Variants in C1QBP observed in about 807,000 individuals in gnomAD.
C1QBP encodes the protein complement C1q binding protein, also known as complement component 1 Q subcomponent-binding protein, mitochondrial.
In C1QBP, 24 loss-of-function variants were observed where a neutral mutation model predicts 29.4. The observed-to-expected ratio is 0.82, with a 90% CI of 0.59 to 1.15. The LOEUF is 1.15. Among genes scored for constraint, C1QBP ranks in the 50% most tolerant of loss-of-function variants. C1QBP has a pLI of 0.00. For missense variants in C1QBP, 337 were observed against 355.8 expected, an observed-to-expected ratio of 0.95 and a Z score of 0.43; for synonymous variants, 182 against 149.2, an observed-to-expected ratio of 1.22 and a Z score of -1.60.
chr17:5,437,484 G>C (rs41307944), intron 2 of C1QBP, among the ~76,000 whole-genome samples: 6,110 of 152,204 alleles, frequency 0.04, 206 homozygotes, highest in African/African-American at 0.092. Flanking sequence ...CTACAGGCAC[G>C]TGCCACCATA....
chr17:5,435,021 C>G (rs962019925), intron 2 of C1QBP, 55 bp from the exon 3 acceptor site: 9 of 1,458,096 alleles, frequency 6.2e-6, no homozygotes, highest in South Asian at 3.4e-5. Context: ...TGGTTTTAAC[C>G]GAGCAGGTTA....
intron 3 of C1QBP, among the ~76,000 whole-genome samples, chr17:5,434,467 T>C (rs1345892444): frequency 9.2e-5 from 10 of 108,776 alleles, no homozygotes; most frequent in African/African-American, 3.2e-4. Flanking sequence ...TCTCTCTCTT[T>C]TTTTTTTTTT....
Sources: allele counts gnomAD v4.1 joint callset (sites outside exome capture counted in the v4.1 genomes callset), GRCh38; gene constraint gnomAD v4.1.1; transcripts MANE v1.5; gene names NCBI Gene and HGNC (gene_info 2026-07-23, HGNC 2026-07-21).